Variants in ZMAT4 observed in about 807,000 individuals in gnomAD.
ZMAT4 encodes the protein zinc finger matrin-type protein 4.
ZMAT4 carries 17 observed loss-of-function variants against 28.7 expected under a neutral mutation model. The ratio of observed to expected loss-of-function variants is 0.59; its 90% CI spans 0.41 to 0.89. ZMAT4 has a LOEUF of 0.89. Among genes scored for constraint, ZMAT4 ranks in the 40% least tolerant of loss-of-function variants. ZMAT4 has a pLI of 0.00. For synonymous variants in ZMAT4, 117 were observed against 109.2 expected (o/e 1.07, Z -0.44); for missense variants, 240 against 283.8 (o/e 0.85, Z 1.11).
chr8:40,611,416 CT>C (rs1226780725), intron 5 of ZMAT4, among the ~76,000 whole-genome samples: 1 of 152,070 alleles, frequency 6.6e-6, no homozygotes, highest in Non-Finnish European at 1.5e-5. Context: ...TCTCTGCTCA[CT>C]GCAAGCTCCG....
intron 2 of ZMAT4, among the ~76,000 whole-genome samples, chr8:40,816,242 C>T (rs1815530839): frequency 6.6e-6 from 1 of 152,138 alleles, no homozygotes; most frequent in Non-Finnish European, 1.5e-5. Context: ...TGTGCAGTCA[C>T]CCACAATCCC....
intron 2 of ZMAT4, among the ~76,000 whole-genome samples, chr8:40,775,360 C>T (rs1481036988): frequency 1.3e-5 from 2 of 152,174 alleles, no homozygotes; most frequent in Non-Finnish European, 2.9e-5. Context: ...CAAGGGAGCC[C>T]ACAGACCAGA....
At chr8:40,596,689 T>C (rs372794513) in intron 5 of ZMAT4, among the ~76,000 whole-genome samples, 1 of 152,210 alleles carries the variant, frequency 6.6e-6, no homozygotes, top group East Asian at 1.9e-4. Context: ...ACTGTATATG[T>C]CTATATTCAT....
chr8:40,757,307 G>C (rs934865334), intron 3 of ZMAT4, among the ~76,000 whole-genome samples: 1 of 152,176 alleles, frequency 6.6e-6, no homozygotes, highest in Non-Finnish European at 1.5e-5. Flanking sequence ...AGTTCAATGA[G>C]TAGGCGAATC....
intron 6 of ZMAT4, among the ~76,000 whole-genome samples, chr8:40,537,803 C>G (rs1802894739): frequency 6.6e-6 from 1 of 152,158 alleles, no homozygotes; most frequent in Admixed American, 6.5e-5. Flanking sequence ...GCTAGAACTC[C>G]TAATACACAC....
intron 3 of ZMAT4, among the ~76,000 whole-genome samples, chr8:40,764,493 G>A (rs555393528): frequency 4.6e-5 from 7 of 152,122 alleles, no homozygotes; most frequent in Non-Finnish European, 8.8e-5. Context: ...GAATGGGGTG[G>A]GAGCAGGGTT....
intron 5 of ZMAT4, among the ~76,000 whole-genome samples, chr8:40,593,921 C>T (rs1421798873): frequency 6.6e-6 from 1 of 152,142 alleles, no homozygotes; most frequent in Non-Finnish European, 1.5e-5. Flanking sequence ...TTTTCAGCAG[C>T]CAGACTGCCA....
chr8:40,592,188 A>T (rs1804916608), intron 5 of ZMAT4, among the ~76,000 whole-genome samples: 1 of 152,200 alleles, frequency 6.6e-6, no homozygotes, highest in African/African-American at 2.4e-5. Flanking sequence ...CCTCAGGGAC[A>T]AACCCATTGG....
chr8:40,731,841 T>C (rs746619918), intron 3 of ZMAT4, among the ~76,000 whole-genome samples: 3 of 152,194 alleles, frequency 2.0e-5, no homozygotes, highest in Non-Finnish European at 4.4e-5. Flanking sequence ...GGATGGATGA[T>C]TGGATAAACA....
intron 5 of ZMAT4, among the ~76,000 whole-genome samples, chr8:40,668,476 A>C (rs944291043): frequency 6.6e-6 from 1 of 151,432 alleles, no homozygotes; most frequent in African/African-American, 2.4e-5. Context: ...CTCAAAAAAA[A>C]AAAAAAAAAA....
At chr8:40,807,981 C>T (rs1815161554) in intron 2 of ZMAT4, among the ~76,000 whole-genome samples, 1 of 152,198 alleles carries the variant, frequency 6.6e-6, no homozygotes, top group Non-Finnish European at 1.5e-5. Context: ...TCCCAGTGCA[C>T]ATAGTGTCAA....
At chr8:40,664,374 G>T (rs907006161) in intron 5 of ZMAT4, among the ~76,000 whole-genome samples, 1 of 152,168 alleles carries the variant, frequency 6.6e-6, no homozygotes, top group Non-Finnish European at 1.5e-5. Context: ...CTTTTTAAAT[G>T]TACACACTGC....
At chr8:40,738,715 T>C (rs1811878389) in intron 3 of ZMAT4, among the ~76,000 whole-genome samples, 1 of 152,130 alleles carries the variant, frequency 6.6e-6, no homozygotes, top group South Asian at 2.1e-4. Context: ...GAGGATGTGC[T>C]CTGTGAAAAG....
At chr8:40,784,020 A>G (rs1373505942) in intron 2 of ZMAT4, among the ~76,000 whole-genome samples, 3 of 152,078 alleles carry the variant, frequency 2.0e-5, no homozygotes, top group African/African-American at 4.8e-5. Context: ...TCAAAAAATA[A>G]TAATAACTGA....
chr8:40,771,748 T>A (rs1813397165), intron 2 of ZMAT4, among the ~76,000 whole-genome samples: 1 of 152,218 alleles, frequency 6.6e-6, no homozygotes, highest in South Asian at 2.1e-4. Context: ...TTTCTGTGTA[T>A]AAATAGAGAC....
chr8:40,786,564 G>A (rs1487710239), intron 2 of ZMAT4: 9 of 584,516 alleles, frequency 1.5e-5, no homozygotes, highest in Admixed American at 3.9e-5. Flanking sequence ...TTGAGTTATT[G>A]CTACCAAAAC....
chr8:40,632,110 A>T (rs1806607470), intron 5 of ZMAT4, among the ~76,000 whole-genome samples: 1 of 152,182 alleles, frequency 6.6e-6, no homozygotes, highest in Non-Finnish European at 1.5e-5. Context: ...TTCTATTTAT[A>T]GCTGTCTAGT....
At chr8:40,841,006 G>A (rs1355443707) in intron 1 of ZMAT4, among the ~76,000 whole-genome samples, 4 of 152,152 alleles carry the variant, frequency 2.6e-5, no homozygotes, top group Non-Finnish European at 5.9e-5. Context: ...AATTTTCTGT[G>A]GAGCCCCACA....
chr8:40,701,950 G>A (rs11787136), intron 3 of ZMAT4, among the ~76,000 whole-genome samples: 4,557 of 152,242 alleles, frequency 0.03, 154 homozygotes, highest in East Asian at 0.18. Context: ...CAACAGTGTT[G>A]AGAGATGGGA....
Sources: allele counts gnomAD v4.1 joint callset (sites outside exome capture counted in the v4.1 genomes callset), GRCh38; gene constraint gnomAD v4.1.1; transcripts MANE v1.5; gene names NCBI Gene and HGNC (gene_info 2026-07-23, HGNC 2026-07-21).